Variants in LAMA3 observed in about 807,000 individuals in gnomAD.
LAMA3 encodes laminin subunit alpha-3.
Under a neutral mutation model 402.0 loss-of-function variants are expected in LAMA3, and 281 were observed. That is an observed-to-expected ratio of 0.70 (90% CI 0.63 to 0.77). The LOEUF (loss-of-function observed/expected upper bound fraction) is 0.77, where lower values mean the gene tolerates loss of function less well. Among genes scored for constraint, LAMA3 ranks in the 30% least tolerant of loss-of-function variants. The probability of loss-of-function intolerance (pLI) is 0.00; values close to 1 mark genes in which losing one functional copy is unlikely to be tolerated. For missense variants in LAMA3, 3,840 were observed against 4,215.5 expected (o/e 0.91, Z 2.47); for synonymous variants, 1,431 against 1,558.4 (o/e 0.92, Z 1.93).
intron 2 of LAMA3, among the ~76,000 whole-genome samples, chr18:23,737,124 G>A (rs995785795): frequency 4.0e-5 from 6 of 151,760 alleles, no homozygotes; most frequent in African/African-American, 1.5e-4. Context: ...CAGTTTCTCT[G>A]TTTAATCCAC....
rs147776134 is a variant in LAMA3, at chr18:23,907,154, A to G, written c.6719-396A>G. 5.3e-5 allele frequency among the ~76,000 whole-genome samples: 8 copies of G among 152,312 alleles called. No individual in the cohort carries two copies. In the East Asian group the frequency reaches 1.5e-3, roughly 29 times the overall value. ...ATTCACTCATGTATTCATTTACTCA[A>G]CAAACATATACTAATATTACGCCTC... On this transcript the variant is annotated intron_variant, in intron 52 of 74. Coordinates refer to ENST00000313654, the MANE Select transcript of LAMA3 (RefSeq NM_198129.4).
At chr18:23,780,321 G>A (rs976715712) in intron 11 of LAMA3, among the ~76,000 whole-genome samples, 6 of 141,466 alleles carry the variant, frequency 4.2e-5, no homozygotes, top group Middle Eastern at 3.5e-3. Flanking sequence ...CAGCCAGGGT[G>A]AAGGAAAGAA....
rs1354579333 is a variant in LAMA3 at position 23,689,972 on chromosome 18, A to G, written c.289A>G (p.Ile97Val). ...CACCGCCCCAGGCAGCGGCCACACC[A>G]TCCAGGTGAGGGCCTCGGAGAGAGC... is the stretch of plus-strand genomic sequence containing the variant. ...GPTAPGSGHT[I>V]QGQFCDYCNS... The change falls in exon 1 of 75, where the codon ATC (isoleucine) becomes GTC (valine). Residue 97 changes from isoleucine to valine, a missense_variant. Ile to Val is a conservative substitution (Grantham distance 29). Transcript: ENST00000313654. 7 of 1,487,432 alleles carry G rather than the reference A, an allele frequency of 4.7e-6. No homozygotes were observed. The Admixed American group carries it at 1.5e-4, about 32-fold the overall frequency. The allele number at this position is 1,487,432 out of a possible 1,614,324, so 92.1% of individuals were successfully genotyped here.
chr18:23,795,101 C>G (rs2062737528), intron 12 of LAMA3, among the ~76,000 whole-genome samples: 1 of 152,192 alleles, frequency 6.6e-6, no homozygotes, highest in African/African-American at 2.4e-5. Context: ...AAGATGCACA[C>G]AGAAGGAATC....
intron 1 of LAMA3, among the ~76,000 whole-genome samples, chr18:23,694,720 A>G (rs1246030128): frequency 6.6e-6 from 1 of 152,152 alleles, no homozygotes; most frequent in Non-Finnish European, 1.5e-5. Flanking sequence ...TCTGAGTTCC[A>G]GCTAAACTTT....
At chr18:23,842,273 C>T in intron 27 of LAMA3, 122 bp from the exon 28 acceptor site, 1 of 1,248,872 alleles carries the variant, frequency 8.0e-7, no homozygotes, top group Non-Finnish European at 1.2e-6. Flanking sequence ...GTTGTCATTT[C>T]ACTTTGGTAA....
intron 23 of LAMA3, among the ~76,000 whole-genome samples, chr18:23,831,876 C>T (rs2063496399): frequency 6.6e-6 from 1 of 152,190 alleles, no homozygotes; most frequent in Admixed American, 6.5e-5. Context: ...GAGGTCAGTT[C>T]TGTGCCATAG....
At chr18:23,792,180 A>G (rs1223990681) in intron 12 of LAMA3, among the ~76,000 whole-genome samples, 1 of 152,222 alleles carries the variant, frequency 6.6e-6, no homozygotes, top group Non-Finnish European at 1.5e-5. Flanking sequence ...AAAACACATG[A>G]GGGACCTCTG....
chr18:23,873,003 G>A (rs2064577567), intron 38 of LAMA3: 1 of 1,613,170 alleles, frequency 6.2e-7, no homozygotes, highest in Non-Finnish European at 8.5e-7. Flanking sequence ...AAGAGGAAGA[G>A]GCAGAGGTTC....
Position 23,904,006 on chromosome 18 carries a change from G to C in LAMA3, c.6392G>C (p.Arg2131Thr). Residue 2131 changes from arginine to threonine, a missense_variant, in exon 50 of 75, where the codon AGA becomes ACA. Physicochemically the swap from Arg to Thr is moderately conservative, Grantham distance 71. Coordinates refer to ENST00000313654, the MANE Select transcript of LAMA3 (RefSeq NM_198129.4). ...AGTGACAAAGTAAGAGAACTTTCCA[G>C]ATCTGCTGGCAAAACATCCCTTGTG... ...ELSDKVRELSRSAGKTSLVEE... is the reference protein window; with the variant it reads ...ELSDKVRELSTSAGKTSLVEE... 1 of 1,614,172 alleles carries C rather than the reference G, an allele frequency of 6.2e-7. No homozygotes were observed. Among genetic ancestry groups the C allele is most frequent in the South Asian group, 1.1e-5 (1 of 91,086 alleles).
At chr18:23,734,838 G>T (rs904754659) in intron 2 of LAMA3, among the ~76,000 whole-genome samples, 1 of 152,162 alleles carries the variant, frequency 6.6e-6, no homozygotes, top group Non-Finnish European at 1.5e-5. Context: ...AAATTTACAG[G>T]GTCATGGAGA....
chr18:23,954,425 ACT>A, intron 74 of LAMA3, 76 bp from the exon 75 acceptor site: 15 of 1,147,106 alleles, frequency 1.3e-5, no homozygotes, highest in Admixed American at 4.0e-5. Flanking sequence ...AAAAAAAAAT[ACT>A]ATCTTTTAAA....
chr18:23,838,776 A>G lies in LAMA3; in HGVS notation c.3094-5A>G, dbSNP rs1307706981. 2.5e-6 allele frequency: 4 copies of G among 1,570,144 alleles called. No individual in the cohort carries two copies. In the South Asian group the frequency reaches 4.4e-5, roughly 17 times the overall value. On this transcript the variant is annotated splice_polypyrimidine_tract_variant and splice_region_variant and intron_variant, in intron 25 of 74. Transcript: ENST00000313654. ...GTGCCTTTGTGCATTGTATTTGCTCACTAGCATCAAGTTTGTATCATACCT... is the reference window on the plus strand; with the variant it reads ...GTGCCTTTGTGCATTGTATTTGCTCGCTAGCATCAAGTTTGTATCATACCT...
chr18:23,727,370 G>A (rs914329015), intron 2 of LAMA3, among the ~76,000 whole-genome samples: 1 of 152,160 alleles, frequency 6.6e-6, no homozygotes, highest in Non-Finnish European at 1.5e-5. Flanking sequence ...CTGTCTCCCA[G>A]GCTGGAGGGC....
At position 23,864,804 on chromosome 18, in the gene LAMA3, A is replaced by C. The variant is rs755656839; in HGVS notation, c.4604A>C (p.Tyr1535Ser). The change falls in exon 36 of 75, where the codon TAC (tyrosine) becomes TCC (serine). Residue 1535 changes from tyrosine (Y) to serine (S), a missense_variant. By Grantham distance (144) the Tyr-to-Ser change is moderately radical. Around this residue, in one of 3 missense-constraint regions of LAMA3, gnomAD observed 2,109 missense variants for 2,376.0 expected, o/e 0.89. Coordinates refer to ENST00000313654, the MANE Select transcript of LAMA3 (RefSeq NM_198129.4). Reference protein sequence around the residue: ...LGDKVSSYGGYLTYQAKSFGL... With the variant: ...LGDKVSSYGGSLTYQAKSFGL... ...TTTTAGGTTTCTTCATATGGTGGTT[A>C]CCTCACTTACCAAGCCAAGTCCTTT... 1 of 1,612,234 alleles carries C rather than the reference A, an allele frequency of 6.2e-7. No homozygotes were observed. Among genetic ancestry groups the C allele is most frequent in the Non-Finnish European group, 8.5e-7 (1 of 1,178,508 alleles).
chr18:23,849,422 A>AG (rs2063895572), intron 32 of LAMA3, among the ~76,000 whole-genome samples: 1 of 152,224 alleles, frequency 6.6e-6, no homozygotes, highest in African/African-American at 2.4e-5. Flanking sequence ...AAAGGAACCA[A>AG]GGGGGAGATG....
chr18:23,812,246 G>A (rs1020911145), intron 13 of LAMA3, among the ~76,000 whole-genome samples: 1 of 152,190 alleles, frequency 6.6e-6, no homozygotes, highest in African/African-American at 2.4e-5. Flanking sequence ...GAAGGATGAG[G>A]TGAGAGGATC....
At chr18:23,734,633 CA>C (rs1004734410) in intron 2 of LAMA3, among the ~76,000 whole-genome samples, 1 of 152,170 alleles carries the variant, frequency 6.6e-6, no homozygotes, top group Non-Finnish European at 1.5e-5. Flanking sequence ...AGAAAAAAAG[CA>C]AAGATTTCCT....
chr18:23,735,968 C>A (rs1158026043), intron 2 of LAMA3, among the ~76,000 whole-genome samples: 1 of 152,072 alleles, frequency 6.6e-6, no homozygotes, highest in African/African-American at 2.4e-5. Flanking sequence ...CCTCATCTGC[C>A]CTGCTCCTCT....
Sources: allele counts gnomAD v4.1 joint callset (sites outside exome capture counted in the v4.1 genomes callset), GRCh38; gene constraint gnomAD v4.1.1; regional missense constraint gnomAD v4.1.1; transcripts MANE v1.5; gene names NCBI Gene and HGNC (gene_info 2026-07-23, HGNC 2026-07-21).